NT5M: variants seen among roughly 807,000 people sequenced by gnomAD.
The protein encoded by NT5M is 5'(3')-deoxyribonucleotidase, mitochondrial.
NT5M carries 22 observed loss-of-function variants against 22.2 expected under a neutral mutation model. That is an observed-to-expected ratio of 0.99 (90% CI 0.71 to 1.41). The LOEUF (loss-of-function observed/expected upper bound fraction) is 1.41, where lower values mean the gene tolerates loss of function less well. Ranked by LOEUF, NT5M falls within the 40% of genes most tolerant of loss-of-function variation. NT5M has a pLI of 0.00. For missense variants in NT5M, 322 were observed against 314.8 expected (o/e 1.02, Z -0.17); for synonymous variants, 167 against 133.0 (o/e 1.26, Z -1.76).
At chr17:17,307,497 TGG>T in intron 2 of NT5M, among the ~76,000 whole-genome samples, 1 of 139,658 alleles carries the variant, frequency 7.2e-6, no homozygotes, top group African/African-American at 2.6e-5. Flanking sequence ...CCTAGCACTT[TGG>T]GAGGCTGAGG....
At chr17:17,334,325 T>G (rs1487200082) in intron 3 of NT5M, among the ~76,000 whole-genome samples, 2 of 151,730 alleles carry the variant, frequency 1.3e-5, no homozygotes, top group Non-Finnish European at 1.5e-5. Context: ...TTTTTTTTTT[T>G]TTGCATGTGG....
rs2049217940 is a variant in NT5M, at chr17:17,324,249, C to T, written c.429+1004C>T. 3.3e-5 allele frequency among the ~76,000 whole-genome samples: 5 copies of T among 151,248 alleles called. No individual in the cohort carries two copies. In the South Asian group the frequency reaches 6.3e-4, roughly 19 times the overall value. ...CTGTAATCCCAGAACTCTGGGAGGCCGATGCAGGTGGGTCACCTGAGGCTG... is the reference window on the plus strand; with the variant it reads ...CTGTAATCCCAGAACTCTGGGAGGCTGATGCAGGTGGGTCACCTGAGGCTG... On this transcript the variant is annotated intron_variant, in intron 3 of 4. Coordinates refer to ENST00000389022, the MANE Select transcript of NT5M (RefSeq NM_020201.4).
intron 2 of NT5M, among the ~76,000 whole-genome samples, chr17:17,318,219 G>A (rs1189964279): frequency 6.6e-6 from 1 of 152,142 alleles, no homozygotes; most frequent in Non-Finnish European, 1.5e-5. Context: ...GCTCATGCCT[G>A]TAATCCCAGC....
intron 2 of NT5M, among the ~76,000 whole-genome samples, chr17:17,320,788 C>A (rs1222017309): frequency 6.6e-6 from 1 of 152,050 alleles, no homozygotes; most frequent in African/African-American, 2.4e-5. Flanking sequence ...GGGTGGCTGG[C>A]GAGGATCAGG....
intron 2 of NT5M, among the ~76,000 whole-genome samples, chr17:17,310,372 T>C (rs907929402): frequency 6.6e-6 from 1 of 152,156 alleles, no homozygotes; most frequent in African/African-American, 2.4e-5. Flanking sequence ...AGTGAGACCC[T>C]GTCTCTACAA....
chr17:17,317,724 G>T (rs1437495204), intron 2 of NT5M, among the ~76,000 whole-genome samples: 1 of 152,116 alleles, frequency 6.6e-6, no homozygotes, highest in Non-Finnish European at 1.5e-5. Flanking sequence ...CAGCACTTTG[G>T]AAGGCCATGG....
At chr17:17,314,056 T>C (rs915584844) in intron 2 of NT5M, among the ~76,000 whole-genome samples, 18 of 151,860 alleles carry the variant, frequency 1.2e-4, no homozygotes, top group African/African-American at 3.4e-4. Context: ...TTTTTTGAGA[T>C]GGAGTCTTGC....
At chr17:17,340,629 C>T (rs180814773) in intron 3 of NT5M, among the ~76,000 whole-genome samples, 15 of 151,970 alleles carry the variant, frequency 9.9e-5, no homozygotes, top group Admixed American at 6.6e-5. Context: ...TGGGTTCAAG[C>T]GATTCTCCTG....
chr17:17,346,860 G>T lies in NT5M; in HGVS notation c.600G>T (p.Gln200His). 6 of 1,608,456 alleles carry T rather than the reference G, an allele frequency of 3.7e-6. No individual in the cohort carries two copies. Among genetic ancestry groups the T allele is most frequent in the Non-Finnish European group, 5.1e-6 (6 of 1,179,918 alleles). The part of the protein sequence containing the change: ...EHVLFTACHN[Q>H]HLQLQPPRRR... ...TCCTCTTCACCGCCTGCCACAACCA[G>T]CACCTGCAGCTGCAGCCCCCCCGCC... is the stretch of plus-strand genomic sequence containing the variant. Residue 200 changes from glutamine (Q) to histidine (H), a missense_variant, in exon 5 of 5, where the codon CAG becomes CAT. Physicochemically the swap from Gln to His is conservative, Grantham distance 24. Transcript: ENST00000389022.
At position 17,321,537 on chromosome 17, in the gene NT5M, G is replaced by T. The variant is rs539550241; in HGVS notation, c.369-1648G>T. 5.3e-5 allele frequency among the ~76,000 whole-genome samples: 8 copies of T among 152,042 alleles called. No individual in the cohort carries two copies. The South Asian group carries it at 1.7e-3, about 32-fold the overall frequency. On this transcript the variant is annotated intron_variant, in intron 2 of 4. Coordinates refer to ENST00000389022, the MANE Select transcript of NT5M (RefSeq NM_020201.4). ...CAAGAAGGTTGAGGAAATGGGGCGGGTGTGTCCTGGCTGTGCCCAGAGCAC... is the reference window on the plus strand; with the variant it reads ...CAAGAAGGTTGAGGAAATGGGGCGGTTGTGTCCTGGCTGTGCCCAGAGCAC...
chr17:17,344,751 G>GTCACTTTCTTC, intron 3 of NT5M, 43 bp from the exon 4 acceptor site: 2 of 1,604,076 alleles, frequency 1.2e-6, no homozygotes, highest in Non-Finnish European at 1.7e-6. Flanking sequence ...CAGGTCTGAT[G>GTCACTTTCTTC]TCACTTTCTT....
At chr17:17,339,216 T>TTAGGTATTTTATTTTATTTG (rs1239187102) in intron 3 of NT5M, among the ~76,000 whole-genome samples, 1 of 147,466 alleles carries the variant, frequency 6.8e-6, no homozygotes, top group Non-Finnish European at 1.5e-5. Context: ...GGGTTAATTC[T>TTAGGTATTTTATTTTATTTG]TAGGTATTTT....
chr17:17,319,109 G>A (rs1375163627), intron 2 of NT5M, among the ~76,000 whole-genome samples: 1 of 151,526 alleles, frequency 6.6e-6, no homozygotes, highest in Non-Finnish European at 1.5e-5. Flanking sequence ...TGCTTGCGGG[G>A]AGGCTGAGGT....
chr17:17,304,349 C>T, intron 1 of NT5M: 1 of 968,522 alleles, frequency 1.0e-6, no homozygotes, highest in Non-Finnish European at 1.2e-6. Context: ...CACCTCATGT[C>T]TTATCCCCTT....
Position 17,347,302 on chromosome 17 carries a change from A to C in NT5M, c.*355A>C. 4.3e-6 allele frequency: 1 copy of C among 230,486 alleles called. No homozygotes were observed. Among genetic ancestry groups the C allele is most frequent in the Non-Finnish European group, 8.5e-6 (1 of 118,310 alleles). 14.3% of individuals were successfully genotyped at this position (230,486 alleles called of 1,614,324 possible). A position where few individuals can be genotyped will look rare whatever the true frequency, so the allele number is the denominator to read the frequency against. On this transcript the variant is annotated 3_prime_UTR_variant, in exon 5 of 5. Coordinates refer to ENST00000389022, the MANE Select transcript of NT5M (RefSeq NM_020201.4). ...TCCCTAGGCAAGTTCTCTGAGGCAG[A>C]AGGGGGTTCCCTGTTCCCAGAGTCT...
At chr17:17,341,515 C>T (rs2049640356) in intron 3 of NT5M, among the ~76,000 whole-genome samples, 1 of 152,150 alleles carries the variant, frequency 6.6e-6, no homozygotes, top group Non-Finnish European at 1.5e-5. Flanking sequence ...GACTCTGATG[C>T]ATAATTTTCC....
intron 3 of NT5M, among the ~76,000 whole-genome samples, chr17:17,326,744 G>T (rs574521434): frequency 5.3e-5 from 8 of 152,196 alleles, no homozygotes; most frequent in African/African-American, 1.9e-4. Flanking sequence ...TGGCAGAGGC[G>T]TGGCTTCCCA....
At chr17:17,343,260 T>C (rs2049686065) in intron 3 of NT5M, among the ~76,000 whole-genome samples, 1 of 152,022 alleles carries the variant, frequency 6.6e-6, no homozygotes, top group Non-Finnish European at 1.5e-5. Flanking sequence ...TGTGTGTGCA[T>C]GTGTGTGTGC....
rs564200608 is a variant in NT5M, at chr17:17,315,129, TA to T, written c.369-8047del. 5.7e-4 allele frequency among the ~76,000 whole-genome samples: 84 copies of T among 147,078 alleles called. 1 individual carries two copies. The South Asian group carries it at 7.0e-3, about 12-fold the overall frequency. ...CATAATCCCACAGTAATTGTTGATT[TA>T]AAAAAAAATTTTTTTTTAACAATTT... On this transcript the variant is annotated intron_variant, in intron 2 of 4. Coordinates refer to ENST00000389022, the MANE Select transcript of NT5M (RefSeq NM_020201.4).
Sources: gnomAD v4.1 joint callset for allele counts (sites outside exome capture counted in the v4.1 genomes callset) on GRCh38, gnomAD v4.1.1 for gene constraint, MANE v1.5 for transcripts, NCBI Gene and HGNC (gene_info 2026-07-23, HGNC 2026-07-21) for gene names.